The following KALRN variants were observed in gnomAD, a reference collection of about 807,000 sequenced individuals.
KALRN encodes kalirin.
Under a neutral mutation model 353.7 loss-of-function variants are expected in KALRN, and 70 were observed. The observed-to-expected ratio is 0.20, with a 90% CI of 0.16 to 0.24. The LOEUF is 0.24. Ranked by LOEUF, KALRN falls within the 10% of genes least tolerant of loss-of-function variation. The probability of loss-of-function intolerance (pLI) is 1.00; values close to 1 mark genes in which losing one functional copy is unlikely to be tolerated. For missense variants in KALRN, 2,791 were observed against 3,756.7 expected (o/e 0.74, Z 6.72); for synonymous variants, 1,391 against 1,434.8 (o/e 0.97, Z 0.69).
rs79225619 is a variant in KALRN, at chr3:124,419,730, C to T, written c.2543-3082C>T. ...AAGTGTTCTGATTGGAGTATGGGCACAGGAAATTGTGGGGGCACATCAGAA... is the reference window on the plus strand; with the variant it reads ...AAGTGTTCTGATTGGAGTATGGGCATAGGAAATTGTGGGGGCACATCAGAA... On this transcript the variant is annotated intron_variant, in intron 14 of 59. Transcript: ENST00000682506. 2.0e-5 allele frequency among the ~76,000 whole-genome samples: 3 copies of T among 152,210 alleles called. No homozygotes were observed. In the South Asian group the frequency reaches 6.2e-4, roughly 32 times the overall value.
At chr3:124,460,809 C>G (rs571546) in intron 23 of KALRN, among the ~76,000 whole-genome samples, 1 of 152,066 alleles carries the variant, frequency 6.6e-6, no homozygotes, top group Non-Finnish European at 1.5e-5. Flanking sequence ...TATACCACAA[C>G]GAGGCCATGT....
In KALRN at chr3:124,118,414, A is replaced by C. The variant is rs193144526; in HGVS notation, c.73+84601A>C. The stretch of plus-strand genomic sequence containing the variant: ...AAGTTTTAGCAACTTAGTTAGGATT[A>C]TGCCATCTCTGTGGGAGAGAGGGTT... On this transcript the variant is annotated intron_variant, in intron 1 of 59. Transcript: ENST00000682506. Among the ~76,000 whole-genome samples, 135 of 152,252 alleles carry C rather than the reference A, an allele frequency of 8.9e-4. 1 individual carries two copies. The South Asian group carries it at 0.012, about 13-fold the overall frequency.
intron 17 of KALRN, among the ~76,000 whole-genome samples, chr3:124,435,984 G>A (rs2150518529): frequency 6.6e-6 from 1 of 152,318 alleles, no homozygotes; most frequent in Admixed American, 6.5e-5. Context: ...TAAAGCAGCA[G>A]GGATCAAGAC....
At chr3:124,544,445 C>T (rs1261449571) in intron 33 of KALRN, among the ~76,000 whole-genome samples, 3 of 152,100 alleles carry the variant, frequency 2.0e-5, no homozygotes, top group Non-Finnish European at 4.4e-5. Context: ...CCTGTAATCC[C>T]AGCTACTTGG....
intron 23 of KALRN, among the ~76,000 whole-genome samples, chr3:124,457,087 T>G (rs2107601921): frequency 6.6e-6 from 1 of 152,254 alleles, no homozygotes; most frequent in Non-Finnish European, 1.5e-5. Context: ...TTTTATTTTT[T>G]GGGACAGAGC....
At chr3:124,494,685 T>C (rs1199832562) in intron 32 of KALRN, among the ~76,000 whole-genome samples, 1 of 152,246 alleles carries the variant, frequency 6.6e-6, no homozygotes, top group Non-Finnish European at 1.5e-5. Flanking sequence ...CTTTTTATGA[T>C]GAATAGACAT....
intron 33 of KALRN, among the ~76,000 whole-genome samples, chr3:124,560,230 A>G (rs906066517): frequency 1.3e-5 from 2 of 152,232 alleles, no homozygotes; most frequent in Non-Finnish European, 2.9e-5. Context: ...CAGTCTGCAA[A>G]AGGACTACAC....
chr3:124,479,716 A>ATTTTTTTTTTTTT (rs142639039), intron 27 of KALRN, among the ~76,000 whole-genome samples: 1 of 86,808 alleles, frequency 1.2e-5, no homozygotes, highest in Non-Finnish European at 2.3e-5. Flanking sequence ...ACGATCCAGA[A>ATTTTTTTTTTTTT]TTTTTTTTTT....
At chr3:124,637,042 G>T in intron 36 of KALRN, 166 bp from the exon 37 acceptor site, 1 of 633,524 alleles carries the variant, frequency 1.6e-6, no homozygotes, top group South Asian at 1.8e-5. Context: ...GGGCAGGCCT[G>T]TATGTATTAC....
At chr3:124,524,173 A>G (rs2067390034) in intron 33 of KALRN, among the ~76,000 whole-genome samples, 1 of 152,192 alleles carries the variant, frequency 6.6e-6, no homozygotes, top group African/African-American at 2.4e-5. Context: ...AGTCCCACGC[A>G]AGCTGCTCCC....
At chr3:124,675,304 G>A (rs1014282942) in intron 49 of KALRN, 12 of 152,144 alleles carry the variant, frequency 7.9e-5, no homozygotes, top group African/African-American at 2.9e-4. Flanking sequence ...TATGGATGAA[G>A]TCAGGATGTG....
intron 34 of KALRN, among the ~76,000 whole-genome samples, chr3:124,601,303 C>A (rs1373725578): frequency 1.3e-5 from 2 of 152,202 alleles, no homozygotes; most frequent in African/African-American, 4.8e-5. Flanking sequence ...AACATTCTTC[C>A]CATTATCAGA....
chr3:124,418,221 G>C (rs893429299), intron 14 of KALRN, among the ~76,000 whole-genome samples: 1 of 152,068 alleles, frequency 6.6e-6, no homozygotes, highest in Non-Finnish European at 1.5e-5. Context: ...GGGCTGAGAC[G>C]AAGGGAAGAA....
At chr3:124,599,184 G>A (rs1448981375) in intron 34 of KALRN, among the ~76,000 whole-genome samples, 5 of 152,170 alleles carry the variant, frequency 3.3e-5, no homozygotes, top group Non-Finnish European at 5.9e-5. Flanking sequence ...TTTCCGAAAG[G>A]TTTTGCTAAC....
chr3:124,218,113 A>G (rs919963052), intron 1 of KALRN, among the ~76,000 whole-genome samples: 1 of 152,080 alleles, frequency 6.6e-6, no homozygotes, highest in Non-Finnish European at 1.5e-5. Flanking sequence ...TGCCACCCAT[A>G]TGGGGGTTGG....
chr3:124,212,598 T>A (rs976757961), intron 1 of KALRN, among the ~76,000 whole-genome samples: 2 of 152,188 alleles, frequency 1.3e-5, no homozygotes, highest in Admixed American at 6.5e-5. Context: ...CAAATATCTG[T>A]CCTCCTTTTT....
chr3:124,459,927 T>C (rs1444623725), intron 23 of KALRN, among the ~76,000 whole-genome samples: 2 of 152,074 alleles, frequency 1.3e-5, no homozygotes, highest in Non-Finnish European at 2.9e-5. Context: ...AATTGGGTTG[T>C]TTAAAGAGCA....
chr3:124,682,852 C>T (rs1490595137), intron 51 of KALRN, among the ~76,000 whole-genome samples: 2 of 152,018 alleles, frequency 1.3e-5, no homozygotes, highest in Non-Finnish European at 2.9e-5. Context: ...TTTTCCTTCC[C>T]CTGCTTGTGA....
chr3:124,130,855 C>T (rs562134602), intron 1 of KALRN, among the ~76,000 whole-genome samples: 3 of 152,174 alleles, frequency 2.0e-5, no homozygotes, highest in South Asian at 2.1e-4. Context: ...TAGAAGATTG[C>T]GAAAGGAAGC....
Sources: gnomAD v4.1 joint callset for allele counts (sites outside exome capture counted in the v4.1 genomes callset) on GRCh38, gnomAD v4.1.1 for gene constraint, MANE v1.5 for transcripts, NCBI Gene and HGNC (gene_info 2026-07-23, HGNC 2026-07-21) for gene names.